MCU: variants seen among roughly 807,000 people sequenced by gnomAD.
The protein encoded by MCU is mitochondrial calcium uniporter.
Under a neutral mutation model 45.2 loss-of-function variants are expected in MCU, and 12 were observed. The observed-to-expected ratio is 0.27, with a 90% CI of 0.17 to 0.43. The LOEUF (loss-of-function observed/expected upper bound fraction) is 0.43. MCU is among the 20% of genes least tolerant of loss of function. The pLI, the probability that MCU is intolerant of heterozygous loss-of-function variation, is 1.00. For synonymous variants in MCU, 160 were observed against 165.1 expected, an observed-to-expected ratio of 0.97 and a Z score of 0.24; for missense variants, 324 against 436.7, an observed-to-expected ratio of 0.74 and a Z score of 2.30.
chr10:72,839,151 G>A lies in MCU; in HGVS notation c.220+4723G>A, dbSNP rs541346718. Among the ~76,000 whole-genome samples, 7 of 152,030 alleles carry A rather than the reference G, an allele frequency of 4.6e-5. No homozygotes were observed. In the South Asian group the frequency reaches 1.5e-3, roughly 32 times the overall value. On this transcript the variant is annotated intron_variant, in intron 2 of 7. Coordinates refer to ENST00000373053, the MANE Select transcript of MCU (RefSeq NM_138357.3). ...ATTACAAGCACGCACCATCACGCCC[G>A]ACTGATTTTTGTATTTTTAGTAGAG...
At chr10:72,817,877 ACTGGC>A (rs1040541073) in intron 1 of MCU, among the ~76,000 whole-genome samples, 1 of 152,232 alleles carries the variant, frequency 6.6e-6, no homozygotes, top group African/African-American at 2.4e-5. Context: ...TTTTTGTCCC[ACTGGC>A]AATTAACATT....
At chr10:72,858,917 G>T (rs1589499928) in intron 2 of MCU, among the ~76,000 whole-genome samples, 1 of 152,132 alleles carries the variant, frequency 6.6e-6, no homozygotes, top group Admixed American at 6.6e-5. Context: ...CCTTGGGAAA[G>T]CCTCTCCTTG....
intron 1 of MCU, chr10:72,692,870 T>G (rs1157232676): frequency 4.2e-6 from 6 of 1,433,306 alleles, no homozygotes; most frequent in Non-Finnish European, 5.5e-6. Flanking sequence ...TTTATTCCCC[T>G]CTGTGACTTC....
rs796167474 is a variant in MCU at position 72,737,521 on chromosome 10, C to CT, written c.150+45234dup. Among the ~76,000 whole-genome samples, 993 of 136,336 alleles carry CT rather than the reference C, an allele frequency of 7.3e-3. 5 individuals are homozygous for CT. The highest frequency in any genetic ancestry group is 0.014 in the African/African-American group (539 of 37,254). The allele number at this position is 136,336 out of a possible 152,430, so 89.4% of individuals were successfully genotyped here. On this transcript the variant is annotated intron_variant, in intron 1 of 7. Transcript: ENST00000373053. Reference sequence around the variant, plus strand: ...GCGCGTTATTTCCCCTTTTTCTTTCCTTTTTTTTTTTTTTCAGAGATGGTA... The same window carrying CT: ...GCGCGTTATTTCCCCTTTTTCTTTCCTTTTTTTTTTTTTTTCAGAGATGGTA...
intron 2 of MCU, among the ~76,000 whole-genome samples, chr10:72,849,495 C>G (rs1239918567): frequency 6.6e-6 from 1 of 152,022 alleles, no homozygotes; most frequent in Non-Finnish European, 1.5e-5. Context: ...GTGGGAGACC[C>G]AATTTCTAGC....
intron 1 of MCU, among the ~76,000 whole-genome samples, chr10:72,736,996 A>C (rs1843260222): frequency 6.6e-6 from 1 of 152,242 alleles, no homozygotes; most frequent in African/African-American, 2.4e-5. Flanking sequence ...ACTTCACTAC[A>C]GTGTTCCCAA....
chr10:72,831,652 T>C (rs1420226359), intron 1 of MCU, among the ~76,000 whole-genome samples: 1 of 152,156 alleles, frequency 6.6e-6, no homozygotes, highest in Admixed American at 6.5e-5. Context: ...AGGTGTTAAA[T>C]GTATGGGGGG....
At chr10:72,842,691 A>G (rs1246836866) in intron 2 of MCU, among the ~76,000 whole-genome samples, 2 of 152,032 alleles carry the variant, frequency 1.3e-5, no homozygotes, top group Non-Finnish European at 2.9e-5. Flanking sequence ...AAAACCAGGA[A>G]ATGGCCATTA....
Position 72,741,825 on chromosome 10 carries a change from G to A in MCU, c.150+49524G>A, listed in dbSNP as rs1441299123. On this transcript the variant is annotated intron_variant, in intron 1 of 7. Coordinates refer to ENST00000373053, the MANE Select transcript of MCU (RefSeq NM_138357.3). ...GGGTGGATCACGACATCAGGAGATC[G>A]AGACCATCCTGGCTAAGACGGTGAA... Among the ~76,000 whole-genome samples, 4 of 152,034 alleles carry A rather than the reference G, an allele frequency of 2.6e-5. 1 individual carries two copies. Among genetic ancestry groups the A allele is most frequent in the South Asian group, 4.1e-4 (2 of 4,832 alleles).
intron 1 of MCU, among the ~76,000 whole-genome samples, chr10:72,717,228 G>A (rs1287674766): frequency 6.7e-6 from 1 of 150,016 alleles, no homozygotes; most frequent in Non-Finnish European, 1.5e-5. Context: ...GAGTTTGGAT[G>A]CTTTTATTGT....
chr10:72,852,453 C>G (rs1845221536), intron 2 of MCU, among the ~76,000 whole-genome samples: 1 of 152,166 alleles, frequency 6.6e-6, no homozygotes, highest in Admixed American at 6.5e-5. Flanking sequence ...GAAGTATTAG[C>G]TGCTATGGGA....
At chr10:72,763,681 C>T (rs945664439) in intron 1 of MCU, among the ~76,000 whole-genome samples, 1 of 151,944 alleles carries the variant, frequency 6.6e-6, no homozygotes, top group East Asian at 1.9e-4. Context: ...TTGAAACTGG[C>T]GAGTGACTTG....
At chr10:72,727,885 AGTTAAT>A (rs1843121397) in intron 1 of MCU, among the ~76,000 whole-genome samples, 1 of 152,020 alleles carries the variant, frequency 6.6e-6, no homozygotes, top group African/African-American at 2.4e-5. Context: ...AAAGCCCAGT[AGTTAAT>A]TTAAGCAGAA....
intron 1 of MCU, among the ~76,000 whole-genome samples, chr10:72,815,056 T>C (rs145920851): frequency 6.6e-6 from 1 of 152,268 alleles, no homozygotes; most frequent in Admixed American, 6.5e-5. Flanking sequence ...AATACAGATA[T>C]AAAAATTATA....
At chr10:72,759,534 G>A (rs2132720780) in intron 1 of MCU, among the ~76,000 whole-genome samples, 1 of 152,086 alleles carries the variant, frequency 6.6e-6, no homozygotes, top group Admixed American at 6.5e-5. Flanking sequence ...ATGAGGGGTG[G>A]TCTCCTCCCT....
intron 1 of MCU, among the ~76,000 whole-genome samples, chr10:72,795,727 C>T (rs988953608): frequency 6.6e-6 from 1 of 152,124 alleles, no homozygotes; most frequent in Non-Finnish European, 1.5e-5. Flanking sequence ...GGGCCGGGCA[C>T]AGTGGCTTAT....
At chr10:72,834,460 A>G in intron 2 of MCU, 32 bp downstream of exon 2, 1 of 1,572,312 alleles carries the variant, frequency 6.4e-7, no homozygotes. Context: ...TTTTATGTCT[A>G]ATATTATTTC....
intron 1 of MCU, among the ~76,000 whole-genome samples, chr10:72,815,990 C>A (rs1270732207): frequency 2.0e-5 from 3 of 152,066 alleles, no homozygotes; most frequent in African/African-American, 7.2e-5. Flanking sequence ...ATCAGCCTGG[C>A]CAACATGGTG....
At chr10:72,854,388 A>C (rs1249451250) in intron 2 of MCU, among the ~76,000 whole-genome samples, 1 of 152,228 alleles carries the variant, frequency 6.6e-6, no homozygotes. Flanking sequence ...TATACTATGC[A>C]AAACAAAATT....
Sources: allele counts gnomAD v4.1 joint callset (sites outside exome capture counted in the v4.1 genomes callset), GRCh38; gene constraint gnomAD v4.1.1; transcripts MANE v1.5; gene names NCBI Gene and HGNC (gene_info 2026-07-23, HGNC 2026-07-21).